KLHL1: variants seen among roughly 807,000 people sequenced by gnomAD.
KLHL1 encodes the protein kelch-like protein 1.
A neutral mutation model predicts 77.7 loss-of-function variants in KLHL1; 47 were observed. The observed-to-expected ratio is 0.60, with a 90% CI of 0.48 to 0.77. KLHL1 has a LOEUF of 0.77. Among genes scored for constraint, KLHL1 ranks in the 30% least tolerant of loss-of-function variants. The pLI is 0.00. For missense variants in KLHL1, 925 were observed against 910.8 expected, an observed-to-expected ratio of 1.02 and a Z score of -0.20; for synonymous variants, 360 against 325.2, an observed-to-expected ratio of 1.11 and a Z score of -1.15.
chr13:70,100,078 AG>A (rs1314962399), intron 1 of KLHL1, among the ~76,000 whole-genome samples: 8 of 152,158 alleles, frequency 5.3e-5, no homozygotes, highest in African/African-American at 1.9e-4. Context: ...GTAACAAAAA[AG>A]CATGCAAAGA....
intron 5 of KLHL1, among the ~76,000 whole-genome samples, chr13:69,844,422 C>T (rs1879379401): frequency 6.6e-6 from 1 of 151,716 alleles, no homozygotes; most frequent in Admixed American, 6.6e-5. Flanking sequence ...CTTATAACCA[C>T]TGTAACCTAT....
chr13:69,785,189 GC>G, intron 7 of KLHL1, among the ~76,000 whole-genome samples: 1 of 152,062 alleles, frequency 6.6e-6, no homozygotes, highest in Non-Finnish European at 1.5e-5. Flanking sequence ...ACCGCGCCCG[GC>G]CCAGAATATA....
chr13:70,038,773 T>C (rs1487173471), intron 1 of KLHL1, among the ~76,000 whole-genome samples: 1 of 151,774 alleles, frequency 6.6e-6, no homozygotes, highest in Non-Finnish European at 1.5e-5. Flanking sequence ...GCATTTTTAG[T>C]AGAGACAGGG....
intron 1 of KLHL1, among the ~76,000 whole-genome samples, chr13:69,990,284 A>G (rs1360457701): frequency 6.6e-6 from 1 of 151,662 alleles, no homozygotes; most frequent in South Asian, 2.1e-4. Context: ...ATAACCAGCT[A>G]ACAACACAAT....
chr13:70,059,850 G>A (rs1846785436), intron 1 of KLHL1, among the ~76,000 whole-genome samples: 1 of 152,118 alleles, frequency 6.6e-6, no homozygotes, highest in Admixed American at 6.5e-5. Context: ...GCAGCAGGAG[G>A]TGCTGCACAC....
chr13:70,014,180 T>G (rs1231702511), intron 1 of KLHL1, among the ~76,000 whole-genome samples: 38 of 152,092 alleles, frequency 2.5e-4, no homozygotes, highest in Admixed American at 2.5e-3. Flanking sequence ...AAAGAATTGA[T>G]TTTTCTTCCT....
At chr13:70,015,442 C>T (rs903757731) in intron 1 of KLHL1, among the ~76,000 whole-genome samples, 3 of 152,096 alleles carry the variant, frequency 2.0e-5, no homozygotes, top group South Asian at 2.1e-4. Context: ...TTATGCAGCA[C>T]GTAACTGTGC....
At chr13:70,033,750 G>C (rs1186601255) in intron 1 of KLHL1, among the ~76,000 whole-genome samples, 1 of 150,752 alleles carries the variant, frequency 6.6e-6, no homozygotes, top group Non-Finnish European at 1.5e-5. Context: ...CTCTAGAGCA[G>C]CTGGAATTAC....
chr13:69,930,748 T>G (rs1476001399), intron 4 of KLHL1, among the ~76,000 whole-genome samples: 3 of 151,784 alleles, frequency 2.0e-5, no homozygotes, highest in African/African-American at 7.2e-5. Context: ...ATACATGATC[T>G]GTGGAAAGTG....
In KLHL1 at chr13:69,828,626, T is replaced by A. The variant is rs192593610; in HGVS notation, c.1414+10350A>T. Among the ~76,000 whole-genome samples the A allele has an allele frequency of 1.7e-3, 257 of 150,262 alleles. 15 individuals carry two copies. The highest frequency in any genetic ancestry group is 6.0e-3 in the African/African-American group (239 of 40,156). On this transcript the variant is annotated intron_variant, in intron 6 of 10. Coordinates refer to ENST00000377844, the MANE Select transcript of KLHL1 (RefSeq NM_020866.3). ...GAGGGGTGAGGCCTAAAAACCTTGC[T>A]TACTTTCTCAGCAGGGAGGTTTGCA...
intron 7 of KLHL1, among the ~76,000 whole-genome samples, chr13:69,757,957 CAAAAA>C (rs59302694): frequency 0.017 from 1,218 of 73,060 alleles, 7 homozygotes; most frequent in African/African-American, 0.048. Flanking sequence ...AACTCCATCT[CAAAAA>C]AAAAAAAAAA....
intron 6 of KLHL1, among the ~76,000 whole-genome samples, chr13:69,821,718 G>A (rs79254085): frequency 0.059 from 8,975 of 152,132 alleles, 422 homozygotes; most frequent in African/African-American, 0.12. Context: ...GTGGCCTTCC[G>A]CTGTACATAA....
At chr13:70,021,059 T>G (rs1234421252) in intron 1 of KLHL1, among the ~76,000 whole-genome samples, 1 of 152,072 alleles carries the variant, frequency 6.6e-6, no homozygotes, top group East Asian at 1.9e-4. Flanking sequence ...ATAGTTTATA[T>G]TTGGACTCAC....
chr13:69,984,036 T>C lies in KLHL1; in HGVS notation c.498-8234A>G, dbSNP rs1486590625. Among the ~76,000 whole-genome samples, 2 of 152,114 alleles carry C rather than the reference T, an allele frequency of 1.3e-5. 1 individual carries two copies. Among genetic ancestry groups the C allele is most frequent in the South Asian group, 4.1e-4 (2 of 4,832 alleles). ...AGGTTAGAGTCTTAAATGTCAGACC[T>C]GAAACCATAAAATTATTAGAGGTAA... On this transcript the variant is annotated intron_variant, in intron 1 of 10. Coordinates refer to ENST00000377844, the MANE Select transcript of KLHL1 (RefSeq NM_020866.3).
intron 4 of KLHL1, among the ~76,000 whole-genome samples, chr13:69,934,218 A>G (rs1883095780): frequency 6.6e-6 from 1 of 152,172 alleles, no homozygotes; most frequent in Admixed American, 6.6e-5. Flanking sequence ...CATTGGTGGT[A>G]AGGCTCGCCA....
At chr13:69,878,062 T>G (rs1223932475) in intron 5 of KLHL1, among the ~76,000 whole-genome samples, 1 of 152,096 alleles carries the variant, frequency 6.6e-6, no homozygotes, top group African/African-American at 2.4e-5. Flanking sequence ...GCTAAATTAA[T>G]TTTTGGCACT....
At chr13:69,893,904 C>T (rs1881532319) in intron 4 of KLHL1, among the ~76,000 whole-genome samples, 1 of 152,082 alleles carries the variant, frequency 6.6e-6, no homozygotes, top group African/African-American at 2.4e-5. Flanking sequence ...GCATAGTGAC[C>T]AACAGACAAA....
intron 7 of KLHL1, among the ~76,000 whole-genome samples, chr13:69,766,412 T>G (rs117877044): frequency 0.019 from 2,815 of 151,558 alleles, 60 homozygotes; most frequent in Middle Eastern, 0.042. Context: ...GAGTACAAAA[T>G]GCATTTCATA....
intron 6 of KLHL1, among the ~76,000 whole-genome samples, chr13:69,833,973 G>A (rs1878877500): frequency 6.6e-6 from 1 of 151,858 alleles, no homozygotes; most frequent in Non-Finnish European, 1.5e-5. Flanking sequence ...TCCCAGTGAA[G>A]TAACCCAGCA....
Sources: allele counts gnomAD v4.1 joint callset (sites outside exome capture counted in the v4.1 genomes callset), GRCh38; gene constraint gnomAD v4.1.1; transcripts MANE v1.5; gene names NCBI Gene and HGNC (gene_info 2026-07-23, HGNC 2026-07-21).